FRMD5: variants seen among roughly 807,000 people sequenced by gnomAD.
FRMD5 encodes the protein FERM domain containing 5, also known as FERM domain-containing protein 5.
A neutral mutation model predicts 69.0 loss-of-function variants in FRMD5; 20 were observed. The ratio of observed to expected loss-of-function variants is 0.29; its 90% CI spans 0.20 to 0.42. The LOEUF (loss-of-function observed/expected upper bound fraction) is 0.42, where lower values mean the gene tolerates loss of function less well. Among genes scored for constraint, FRMD5 ranks in the 10% least tolerant of loss-of-function variants. FRMD5 has a pLI of 1.00. For synonymous variants in FRMD5, 271 were observed against 260.1 expected, an observed-to-expected ratio of 1.04 and a Z score of -0.40; for missense variants, 595 against 708.6, an observed-to-expected ratio of 0.84 and a Z score of 1.82.
At chr15:43,955,784 T>C (rs2090105191) in intron 1 of FRMD5, among the ~76,000 whole-genome samples, 1 of 152,172 alleles carries the variant, frequency 6.6e-6, no homozygotes, top group African/African-American at 2.4e-5. Context: ...ATTCTGGTTA[T>C]AATCAAGTAA....
rs537193735 is a variant in FRMD5 at position 44,125,304 on chromosome 15, T to C, written c.102+69649A>G. Among the ~76,000 whole-genome samples, 11 of 150,838 alleles carry C rather than the reference T, an allele frequency of 7.3e-5. No individual in the cohort carries two copies. The South Asian group carries it at 2.3e-3, about 32-fold the overall frequency. ...GCAACAGGGTGAGACCCCCATCTCT[T>C]AATAATAATAATAATAATAATTTAC... is the stretch of plus-strand genomic sequence containing the variant. On this transcript the variant is annotated intron_variant, in intron 1 of 13. Coordinates refer to ENST00000417257, the MANE Select transcript of FRMD5 (RefSeq NM_032892.5).
chr15:43,902,409 C>G, intron 6 of FRMD5, 147 bp from the exon 7 acceptor site: 1 of 658,850 alleles, frequency 1.5e-6, no homozygotes, highest in Non-Finnish European at 2.7e-6. Context: ...GGACCAACTT[C>G]GAGACTCCTG....
intron 1 of FRMD5, among the ~76,000 whole-genome samples, chr15:44,052,006 C>G (rs948548229): frequency 2.0e-5 from 3 of 150,912 alleles, no homozygotes; most frequent in African/African-American, 7.3e-5. Context: ...TTTATGTGCT[C>G]TATTCTTTGG....
At chr15:43,932,553 T>G (rs2089693128) in intron 1 of FRMD5, among the ~76,000 whole-genome samples, 2 of 152,140 alleles carry the variant, frequency 1.3e-5, no homozygotes, top group Non-Finnish European at 2.9e-5. Flanking sequence ...ATAAGGGGAA[T>G]AAGATATGAC....
At chr15:43,892,447 T>G (rs1011605337) in intron 7 of FRMD5, among the ~76,000 whole-genome samples, 1 of 152,214 alleles carries the variant, frequency 6.6e-6, no homozygotes, top group African/African-American at 2.4e-5. Context: ...AAAATAGAGT[T>G]ACCATATGAC....
intron 1 of FRMD5, among the ~76,000 whole-genome samples, chr15:44,089,140 G>C (rs939426928): frequency 6.6e-6 from 1 of 152,216 alleles, no homozygotes; most frequent in Non-Finnish European, 1.5e-5. Flanking sequence ...GGAGGGGACA[G>C]AAAGATGGTG....
chr15:43,882,150 A>C (rs1191774797), intron 13 of FRMD5, among the ~76,000 whole-genome samples: 1 of 152,212 alleles, frequency 6.6e-6, no homozygotes, highest in Non-Finnish European at 1.5e-5. Flanking sequence ...GCTAGAGGGC[A>C]GTATTCCAAG....
At chr15:43,895,087 G>GT (rs1381524478) in intron 7 of FRMD5, among the ~76,000 whole-genome samples, 1 of 152,112 alleles carries the variant, frequency 6.6e-6, no homozygotes, top group Non-Finnish European at 1.5e-5. Flanking sequence ...CCCGGCCTGT[G>GT]TTTGTTGTTA....
rs112355659 is a variant in FRMD5 at position 44,032,680 on chromosome 15, A to G, written c.103-108371T>C. ...CCATCTCACACCAGTCAGAAAGGCT[A>G]TTATTAAAAAGTCAAAATATAACAG... On this transcript the variant is annotated intron_variant, in intron 1 of 13. Coordinates refer to ENST00000417257, the MANE Select transcript of FRMD5 (RefSeq NM_032892.5). Among the ~76,000 whole-genome samples, 1,145 of 152,316 alleles carry G rather than the reference A, an allele frequency of 7.5e-3. 21 individuals carry two copies. The highest frequency in any genetic ancestry group is 0.026 in the African/African-American group (1,095 of 41,568).
At chr15:44,192,065 ATAC>A (rs1325117076) in intron 1 of FRMD5, among the ~76,000 whole-genome samples, 1 of 151,844 alleles carries the variant, frequency 6.6e-6, no homozygotes, top group Non-Finnish European at 1.5e-5. Flanking sequence ...GGGAGCAATT[ATAC>A]TACAACCCTC....
chr15:43,899,399 G>C (rs759366188), intron 7 of FRMD5, among the ~76,000 whole-genome samples: 25 of 152,146 alleles, frequency 1.6e-4, no homozygotes, highest in Non-Finnish European at 3.5e-4. Flanking sequence ...TCCCCCAAAA[G>C]AAGTCTCCTG....
intron 1 of FRMD5, among the ~76,000 whole-genome samples, chr15:44,016,648 G>A (rs1461231783): frequency 1.3e-5 from 2 of 151,878 alleles, no homozygotes; most frequent in Non-Finnish European, 2.9e-5. Context: ...GCTTGAACCC[G>A]GGAGGTGGAG....
intron 1 of FRMD5, among the ~76,000 whole-genome samples, chr15:44,154,355 A>G (rs976434055): frequency 3.3e-5 from 5 of 152,114 alleles, no homozygotes; most frequent in Admixed American, 3.3e-4. Flanking sequence ...AAACCTTGGG[A>G]AAAAACTTTA....
At chr15:44,040,254 CAGA>C (rs1355855648) in intron 1 of FRMD5, among the ~76,000 whole-genome samples, 1 of 152,086 alleles carries the variant, frequency 6.6e-6, no homozygotes, top group Non-Finnish European at 1.5e-5. Flanking sequence ...GGATATTATT[CAGA>C]AGAACTTCCC....
rs532272744 is a variant in FRMD5 at position 44,113,423 on chromosome 15, T to C, written c.102+81530A>G. Among the ~76,000 whole-genome samples, 5 of 152,300 alleles carry C rather than the reference T, an allele frequency of 3.3e-5. No individual in the cohort carries two copies. In the South Asian group the frequency reaches 8.3e-4, roughly 25 times the overall value. On this transcript the variant is annotated intron_variant, in intron 1 of 13. Transcript: ENST00000417257. Reference sequence around the variant, plus strand: ...TTTTTGTGGGTACACAGTAGGTGTATATATTTATGGGGTATATGAGACACT... The same window carrying C: ...TTTTTGTGGGTACACAGTAGGTGTACATATTTATGGGGTATATGAGACACT...
intron 1 of FRMD5, among the ~76,000 whole-genome samples, chr15:44,093,162 C>T (rs889554100): frequency 2.0e-5 from 3 of 151,932 alleles, no homozygotes; most frequent in African/African-American, 4.8e-5. Flanking sequence ...GATCTCTTAA[C>T]CTCGTGATCC....
At chr15:43,911,255 A>G (rs2089282554) in intron 4 of FRMD5, among the ~76,000 whole-genome samples, 1 of 152,224 alleles carries the variant, frequency 6.6e-6, no homozygotes, top group Admixed American at 6.5e-5. Context: ...TTCTCTGAGT[A>G]TGGCTTAGAC....
At chr15:44,077,970 A>AT (rs1272081919) in intron 1 of FRMD5, among the ~76,000 whole-genome samples, 2 of 152,050 alleles carry the variant, frequency 1.3e-5, no homozygotes, top group Non-Finnish European at 2.9e-5. Context: ...AACTATGTAT[A>AT]TTTTTTATGT....
chr15:43,875,366 ATATATATATAT>A (rs1567202157), intron 13 of FRMD5, among the ~76,000 whole-genome samples: 45 of 79,768 alleles, frequency 5.6e-4, no homozygotes, highest in Middle Eastern at 8.1e-3. Context: ...AAAAAAAAAT[ATATATATATAT>A]ATATATATAT....
Sources: allele counts gnomAD v4.1 joint callset (sites outside exome capture counted in the v4.1 genomes callset), GRCh38; gene constraint gnomAD v4.1.1; transcripts MANE v1.5; gene names NCBI Gene and HGNC (gene_info 2026-07-23, HGNC 2026-07-21).